STRN4: variants seen among roughly 807,000 people sequenced by gnomAD.
STRN4 encodes the protein striatin 4.
In STRN4, 27 loss-of-function variants were observed where a neutral mutation model predicts 77.9. The ratio of observed to expected loss-of-function variants is 0.35; its 90% CI spans 0.26 to 0.48. The LOEUF is 0.48. Ranked by LOEUF, STRN4 falls within the 20% of genes least tolerant of loss-of-function variation. The pLI is 0.99. For missense variants in STRN4, 798 were observed against 1,049.7 expected (o/e 0.76, Z 3.31); for synonymous variants, 466 against 443.1 (o/e 1.05, Z -0.65).
intron 11 of STRN4, 37 bp downstream of exon 11, chr19:46,725,295 G>T: frequency 6.2e-7 from 1 of 1,613,818 alleles, no homozygotes; most frequent in Non-Finnish European, 8.5e-7. Flanking sequence ...GCTGCATTTA[G>T]GACGAGTTTC....
Position 46,738,025 on chromosome 19 carries a change from T to C in STRN4, c.460+139A>G. ...ATAGGGAGGGCTCTGAGAGTGAGAT[T>C]CCGCCCCTCCCCAGCCCCGGGGCCG... On this transcript the variant is annotated intron_variant, in intron 3 of 17. Coordinates refer to ENST00000263280, the MANE Select transcript of STRN4 (RefSeq NM_013403.3). The surrounding 1 kb of genome is among the most constrained non-coding windows in gnomAD (Gnocchi z 4.5). 1.2e-6 allele frequency: 1 copy of C among 849,290 alleles called. No individual in the cohort carries two copies. The highest frequency in any genetic ancestry group is 1.9e-6 in the Non-Finnish European group (1 of 515,900). 52.6% of individuals were successfully genotyped at this position (849,290 alleles called of 1,614,324 possible). A position where few individuals can be genotyped will look rare whatever the true frequency, so the allele number is the denominator to read the frequency against.
chr19:46,735,965 AAAT>A (rs1201845010), intron 4 of STRN4, among the ~76,000 whole-genome samples: 1 of 149,178 alleles, frequency 6.7e-6, no homozygotes, highest in South Asian at 2.1e-4. Flanking sequence ...ACTCTGTCTC[AAAT>A]AATAATAATA....
Position 46,720,777 on chromosome 19 carries a change from CAT to C in STRN4, c.2093-8_2093-7del, listed in dbSNP as rs745413187. ...ACGCAGGGAGCAGTCATGGCCTGCA[CAT>C]GTGTCGGGGACAGAAGGGGTGGTCA... On this transcript the variant is annotated splice_region_variant and splice_polypyrimidine_tract_variant and intron_variant, in intron 16 of 17. Transcript: ENST00000263280. 17 of 1,565,608 alleles carry C rather than the reference CAT, an allele frequency of 1.1e-5. No homozygotes were observed. The highest frequency in any genetic ancestry group is 7.0e-5 in the East Asian group (3 of 42,794).
Position 46,738,985 on chromosome 19 carries a change from AC to A in STRN4, c.283-98del. On this transcript the variant is annotated intron_variant, in intron 1 of 17. Transcript: ENST00000263280. This position sits in a 1 kb window ranked among gnomAD's most constrained non-coding sequence, Gnocchi z 4.5. ...CCAGGTATAGTGCCAGCCCACAGTC[AC>A]CCCACAGTAATGGGCAGCAGCCACT... 1.0e-6 allele frequency: 1 copy of A among 1,003,234 alleles called. No homozygotes were observed. Among genetic ancestry groups the A allele is most frequent in the Non-Finnish European group, 1.5e-6 (1 of 655,186 alleles). The allele number at this position is 1,003,234 out of a possible 1,614,324, so 62.1% of individuals were successfully genotyped here. A position where few individuals can be genotyped will look rare whatever the true frequency, so the allele number is the denominator to read the frequency against.
At chr19:46,728,211 G>A in intron 7 of STRN4, 3 of 681,036 alleles carry the variant, frequency 4.4e-6, no homozygotes, top group Non-Finnish European at 8.0e-6. Context: ...CCTTGCCTAG[G>A]CCTCAGGCCC....
rs777659524 is a variant in STRN4, at chr19:46,725,599, G to T, written c.1298C>A (p.Thr433Asn). 6.2e-7 allele frequency: 1 copy of T among 1,614,222 alleles called. No individual in the cohort carries two copies. The highest frequency in any genetic ancestry group is 1.1e-5 in the South Asian group (1 of 91,084). Reference protein sequence around the residue: ...AFKKTWNPKFTLRSHYDGIRS... With the variant: ...AFKKTWNPKFNLRSHYDGIRS... ...AATGCCGTCGTAGTGCGAGCGCAGGGTGAACTTGGGGTTCCACGTCTTCTT... is the reference window on the plus strand; with the variant it reads ...AATGCCGTCGTAGTGCGAGCGCAGGTTGAACTTGGGGTTCCACGTCTTCTT... The change falls in exon 10 of 18, where the codon ACC becomes AAC. Residue 433 changes from threonine to asparagine, a missense_variant. Transcript: ENST00000263280.
At chr19:46,742,002 G>A (rs567849148) in intron 1 of STRN4, among the ~76,000 whole-genome samples, 3 of 152,236 alleles carry the variant, frequency 2.0e-5, no homozygotes, top group Admixed American at 2.0e-4. Context: ...CAAATCTCCA[G>A]TTCAGATCCC....
rs751388933 is a variant in STRN4, at chr19:46,728,635, C to T, written c.1022G>A (p.Gly341Glu). 4 of 1,613,776 alleles carry T rather than the reference C, an allele frequency of 2.5e-6. 1 individual carries two copies. The South Asian group carries it at 4.4e-5, about 18-fold the overall frequency. Reference protein sequence around the residue: ...APDPRRCTVDGSPHELESRRV... With the variant: ...APDPRRCTVDESPHELESRRV... ...CAGCTCACCCAGCTCATGGGGGCTC[C>T]CATCCACAGTGCACCGCCGAGGGTC... The change falls in exon 7 of 18, where the codon GGG becomes GAG. Residue 341 changes from glycine to glutamate, a missense_variant. Around this residue, in one of 2 missense-constraint regions of STRN4, gnomAD observed 511 missense variants for 575.9 expected, o/e 0.89. Transcript: ENST00000263280.
rs71970589 is a variant in STRN4 at position 46,724,249 on chromosome 19, C to CAAAAAAAAAAAAAAAA, written c.1594+542_1594+557dup. Among the ~76,000 whole-genome samples the CAAAAAAAAAAAAAAAA allele has an allele frequency of 3.3e-4, 29 of 87,176 alleles. 3 individuals carry two copies. Among genetic ancestry groups the CAAAAAAAAAAAAAAAA allele is most frequent in the African/African-American group, 9.7e-4 (19 of 19,620 alleles). The allele number at this position is 87,176 out of a possible 152,430, so 57.2% of individuals were successfully genotyped here. A position where few individuals can be genotyped will look rare whatever the true frequency, so the allele number is the denominator to read the frequency against. ...GGTGACAGAGTGAGACTCTTTGTCT[C>CAAAAAAAAAAAAAAAA]AAAAAAAAAAAAAAAAAAAAAAAAA... On this transcript the variant is annotated intron_variant, in intron 12 of 17. Transcript: ENST00000263280.
intron 3 of STRN4, 101 bp from the exon 4 acceptor site, chr19:46,737,002 T>C (rs1007860032): frequency 1.3e-5 from 14 of 1,118,678 alleles, no homozygotes; most frequent in Admixed American, 2.0e-5. Flanking sequence ...TCGGTCACTG[T>C]CGCAGGTCCT....
rs149072650 is a variant in STRN4 at position 46,741,215 on chromosome 19, C to T, written c.283-2327G>A. Among the ~76,000 whole-genome samples the T allele has an allele frequency of 2.6e-5, 4 of 152,100 alleles. No homozygotes were observed. Among genetic ancestry groups the T allele is most frequent in the South Asian group, 2.1e-4 (1 of 4,832 alleles). On this transcript the variant is annotated intron_variant, in intron 1 of 17. Coordinates refer to ENST00000263280, the MANE Select transcript of STRN4 (RefSeq NM_013403.3). The surrounding 1 kb of genome is among the most constrained non-coding windows in gnomAD (Gnocchi z 4.9). ...CAGTCCCAGAAATCCCAGGACAGAACGGTAGTGGCTTGGACTAGGCCGGGG... is the reference window on the plus strand; with the variant it reads ...CAGTCCCAGAAATCCCAGGACAGAATGGTAGTGGCTTGGACTAGGCCGGGG...
intron 16 of STRN4, 93 bp downstream of exon 16, chr19:46,721,893 C>A (rs1164524984): frequency 2.0e-5 from 30 of 1,467,864 alleles, no homozygotes; most frequent in Non-Finnish European, 2.7e-5. Flanking sequence ...AGCCCTGGCC[C>A]CCGGGGCCCC....
chr19:46,728,741 C>T lies in STRN4; in HGVS notation c.916G>A (p.Glu306Lys), dbSNP rs1447083302. 5 of 1,614,204 alleles carry T rather than the reference C, an allele frequency of 3.1e-6. No homozygotes were observed. The highest frequency in any genetic ancestry group is 2.2e-5 in the East Asian group (1 of 44,878). Residue 306 changes from glutamate (E) to lysine (K), a missense_variant, in exon 7 of 18, where the codon GAG (glutamate) becomes AAG (lysine). Physicochemically the swap from Glu to Lys is moderately conservative, Grantham distance 56 (BLOSUM62 1). This residue lies in a region of STRN4 where 511 missense variants were observed against 575.9 expected (regional missense o/e 0.89). Coordinates refer to ENST00000263280, the MANE Select transcript of STRN4 (RefSeq NM_013403.3). Reference sequence around the variant, plus strand: ...TCCTCAGAGTCGTCTTCCTCATCCTCGTCTTCCATTTCGGGCACCAGAGCC... The same window carrying T: ...TCCTCAGAGTCGTCTTCCTCATCCTTGTCTTCCATTTCGGGCACCAGAGCC... The part of the protein sequence containing the change: ...SKALVPEMED[E>K]DEEDDSEDAI...
chr19:46,733,429 AATGC>A lies in STRN4; in HGVS notation c.540-197_540-194del. 1.7e-6 allele frequency: 1 copy of A among 598,930 alleles called. No individual in the cohort carries two copies. Among genetic ancestry groups the A allele is most frequent in the Non-Finnish European group, 3.0e-6 (1 of 336,160 alleles). The allele number at this position is 598,930 out of a possible 1,614,324, so 37.1% of individuals were successfully genotyped here. On this transcript the variant is annotated intron_variant, in intron 4 of 17. Transcript: ENST00000263280. This position sits in a 1 kb window ranked among gnomAD's most constrained non-coding sequence, Gnocchi z 4.3. ...AGTGGAAGCCCTTGTACACACACACAATGCTATGTGTGAGGGTGCTCCCTGCACT... is the reference window on the plus strand; with the variant it reads ...AGTGGAAGCCCTTGTACACACACACATATGTGTGAGGGTGCTCCCTGCACT...
rs1253018957 is a variant in STRN4 at position 46,723,924 on chromosome 19, A to G, written c.1595-640T>C. Among the ~76,000 whole-genome samples the G allele has an allele frequency of 6.6e-6, 1 of 152,166 alleles. No homozygotes were observed. The highest frequency in any genetic ancestry group is 1.5e-5 in the Non-Finnish European group (1 of 68,028). ...ACAAAGACCTCTGAACTCTGCCCAG[A>G]CAAGGTGGAGCACAGGGCCAGGTGC... On this transcript the variant is annotated intron_variant, in intron 12 of 17. Transcript: ENST00000263280. This position sits in a 1 kb window ranked among gnomAD's most constrained non-coding sequence, Gnocchi z 5.5.
In STRN4 at chr19:46,733,298, G is replaced by T; in HGVS notation, c.540-62C>A. 1 of 1,534,266 alleles carries T rather than the reference G, an allele frequency of 6.5e-7. No homozygotes were observed. On this transcript the variant is annotated intron_variant, in intron 4 of 17. Transcript: ENST00000263280. The surrounding 1 kb of genome is among the most constrained non-coding windows in gnomAD (Gnocchi z 4.3). ...CTGGGCTTCTTCATGTACCACAGGG[G>T]CCAATGCAAACCGAGACAACCTCTT...
Position 46,741,309 on chromosome 19 carries a change from A to C in STRN4, c.283-2421T>G, listed in dbSNP as rs1279496084. On this transcript the variant is annotated intron_variant, in intron 1 of 17. Coordinates refer to ENST00000263280, the MANE Select transcript of STRN4 (RefSeq NM_013403.3). This position sits in a 1 kb window ranked among gnomAD's most constrained non-coding sequence, Gnocchi z 4.9. ...GTTGGGCATCCCAACCAGACCTGTCACTGGCTGGGTTCCCCCTTCATCCCT... is the reference window on the plus strand; with the variant it reads ...GTTGGGCATCCCAACCAGACCTGTCCCTGGCTGGGTTCCCCCTTCATCCCT... 6.6e-6 allele frequency among the ~76,000 whole-genome samples: 1 copy of C among 152,194 alleles called. No individual in the cohort carries two copies. The highest frequency in any genetic ancestry group is 2.4e-5 in the African/African-American group (1 of 41,438).
chr19:46,746,125 C>CG (rs1434940973), intron 1 of STRN4, 24 bp downstream of exon 1: 1 of 1,426,178 alleles, frequency 7.0e-7, no homozygotes, highest in East Asian at 3.3e-5. Flanking sequence ...GGTTGGGGGT[C>CG]GGGGGTCCCG....
In STRN4 at chr19:46,727,454, C is replaced by T. The variant is rs763032421; in HGVS notation, c.1246G>A (p.Asp416Asn). 4 of 1,613,388 alleles carry T rather than the reference C, an allele frequency of 2.5e-6. No homozygotes were observed. Among genetic ancestry groups the T allele is most frequent in the East Asian group, 2.2e-5 (1 of 44,836 alleles). ...TGGGGGGCACCCGGAGAACTTACATCGCAGCTGAGGTCGTTGTCGTTGGTG... is the reference window on the plus strand; with the variant it reads ...TGGGGGGCACCCGGAGAACTTACATTGCAGCTGAGGTCGTTGTCGTTGGTG... Reference protein sequence around the residue: ...TVTNDNDLSCDLSDSKDAFKK... With the variant: ...TVTNDNDLSCNLSDSKDAFKK... The change falls in exon 9 of 18, where the codon GAT becomes AAT. Residue 416 changes from aspartate to asparagine, a missense_variant and splice_region_variant. Around this residue, in one of 2 missense-constraint regions of STRN4, gnomAD observed 511 missense variants for 575.9 expected, o/e 0.89. Transcript: ENST00000263280.
Sources: gnomAD v4.1 joint callset for allele counts (sites outside exome capture counted in the v4.1 genomes callset) on GRCh38, gnomAD v4.1.1 for gene constraint, gnomAD v4.1.1 regional missense constraint, Gnocchi (gnomAD v3.1) non-coding constraint, MANE v1.5 for transcripts, NCBI Gene and HGNC (gene_info 2026-07-23, HGNC 2026-07-21) for gene names.